The following PPP4R3B variants were observed in gnomAD, a reference collection of about 807,000 sequenced individuals.
PPP4R3B encodes protein phosphatase 4 regulatory subunit 3B, also known as serine/threonine-protein phosphatase 4 regulatory subunit 3B.
A neutral mutation model predicts 95.4 loss-of-function variants in PPP4R3B; 52 were observed. That is an observed-to-expected ratio of 0.54 (90% confidence interval 0.44 to 0.69). PPP4R3B has a LOEUF of 0.69. Ranked by LOEUF, PPP4R3B falls within the 30% of genes least tolerant of loss-of-function variation. The pLI, the probability that PPP4R3B is intolerant of heterozygous loss-of-function variation, is 0.00. For missense variants in PPP4R3B, 1,003 were observed against 1,005.9 expected (o/e 1.00, Z 0.04); for synonymous variants, 407 against 343.9 (o/e 1.18, Z -2.03).
At chr2:55,615,571 A>G in intron 1 of PPP4R3B, 65 bp from the exon 2 acceptor site, 1 of 1,240,048 alleles carries the variant, frequency 8.1e-7, no homozygotes. Context: ...AAATTAGAAT[A>G]CACATTAAAG....
intron 1 of PPP4R3B, chr2:55,616,551 G>A (rs1210087116): frequency 1.3e-5 from 2 of 152,134 alleles, no homozygotes; most frequent in African/African-American, 4.8e-5. Context: ...TAGATTGTAA[G>A]GCATTCACTT....
intron 15 of PPP4R3B, among the ~76,000 whole-genome samples, chr2:55,559,613 C>T (rs931691219): frequency 6.6e-6 from 1 of 152,050 alleles, no homozygotes; most frequent in Non-Finnish European, 1.5e-5. Context: ...GTGGCACTTC[C>T]CCCCTTGCTC....
At chr2:55,576,955 T>A (rs949448542) in intron 11 of PPP4R3B, among the ~76,000 whole-genome samples, 2 of 152,218 alleles carry the variant, frequency 1.3e-5, no homozygotes, top group Non-Finnish European at 2.9e-5. Flanking sequence ...TAGAAACAAC[T>A]GCTTTTAGAC....
intron 2 of PPP4R3B, 73 bp from the exon 3 acceptor site, chr2:55,604,149 G>C: frequency 8.4e-7 from 1 of 1,187,206 alleles, no homozygotes; most frequent in South Asian, 1.6e-5. Context: ...TAGAAATCAA[G>C]AGGACTGGAA....
Position 55,591,144 on chromosome 2 carries a change from C to CTT in PPP4R3B, c.922-2190_922-2189dup, listed in dbSNP as rs568526753. Among the ~76,000 whole-genome samples the CTT allele has an allele frequency of 3.9e-3, 561 of 143,476 alleles. 1 individual carries two copies. The highest frequency in any genetic ancestry group is 0.014 in the African/African-American group (532 of 39,350). The allele number at this position is 143,476 out of a possible 152,430, so 94.1% of individuals were successfully genotyped here. On this transcript the variant is annotated intron_variant, in intron 4 of 16. Coordinates refer to ENST00000616407, the MANE Select transcript of PPP4R3B (RefSeq NM_001122964.3). ...TATTTAGCCCTCAAGTTAGTTTTTC[C>CTT]TTTTTTTTTTTTTCTAGAGTCTCAC... is the stretch of plus-strand genomic sequence containing the variant.
At chr2:55,568,675 CAG>C (rs1687604516) in intron 12 of PPP4R3B, among the ~76,000 whole-genome samples, 5 of 152,176 alleles carry the variant, frequency 3.3e-5, no homozygotes, top group Admixed American at 6.5e-5. Context: ...AGCTCTGTGA[CAG>C]AGATTTAAAA....
chr2:55,592,317 TGA>T (rs1426212460), intron 4 of PPP4R3B, among the ~76,000 whole-genome samples: 2 of 152,172 alleles, frequency 1.3e-5, no homozygotes, highest in Non-Finnish European at 2.9e-5. Context: ...AAATAATTAA[TGA>T]GGTTTTTGTC....
At chr2:55,586,389 T>C (rs920675071) in intron 6 of PPP4R3B, among the ~76,000 whole-genome samples, 10 of 152,186 alleles carry the variant, frequency 6.6e-5, no homozygotes, top group African/African-American at 2.4e-4. Flanking sequence ...ATAACAGTCT[T>C]GCAAAAACGT....
chr2:55,613,372 C>A (rs539809829), intron 2 of PPP4R3B, among the ~76,000 whole-genome samples: 1 of 149,026 alleles, frequency 6.7e-6, no homozygotes, highest in Non-Finnish European at 1.5e-5. Flanking sequence ...AAAAGCCCAA[C>A]GAAAAAATAA....
intron 4 of PPP4R3B, 96 bp from the exon 5 acceptor site, chr2:55,589,052 G>C: frequency 5.2e-6 from 4 of 767,064 alleles, no homozygotes; most frequent in Non-Finnish European, 8.2e-6. Flanking sequence ...TAGTTGACAA[G>C]TAGTATTTTC....
At chr2:55,613,845 AAAG>A (rs1694531725) in intron 2 of PPP4R3B, among the ~76,000 whole-genome samples, 1 of 152,126 alleles carries the variant, frequency 6.6e-6, no homozygotes, top group Non-Finnish European at 1.5e-5. Context: ...CTTTCCCCAC[AAAG>A]AAGCAAGCAA....
intron 15 of PPP4R3B, among the ~76,000 whole-genome samples, chr2:55,559,570 G>C (rs1166095997): frequency 6.6e-6 from 1 of 152,118 alleles, no homozygotes; most frequent in Non-Finnish European, 1.5e-5. Flanking sequence ...TCTTGTGATA[G>C]TGAGTTCTCA....
Position 55,558,942 on chromosome 2 carries a change from G to T in PPP4R3B, c.2287C>A (p.Leu763Ile), listed in dbSNP as rs778534798. Residue 763 changes from leucine to isoleucine, a missense_variant, in exon 16 of 17, where the codon CTT (leucine) becomes ATT (isoleucine). This residue lies in a region of PPP4R3B where 229 missense variants were observed against 194.7 expected (regional missense o/e 1.18). Coordinates refer to ENST00000616407, the MANE Select transcript of PPP4R3B (RefSeq NM_001122964.3). ...CCACCAGGAGATGTCCTTTTGGGAA[G>T]GTTTTCCTTGTCTTCACTTTCTTTT... ...KAKESEDKEN[L>I]PKRTSPGGFK... The T allele has an allele frequency of 1.2e-6, 2 of 1,608,284 alleles. No individual in the cohort carries two copies. Among genetic ancestry groups the T allele is most frequent in the South Asian group, 2.2e-5 (2 of 89,764 alleles).
rs1695090452 is a variant in PPP4R3B at position 55,617,253 on chromosome 2, A to G, written c.33T>C (p.Tyr11=). 1 of 1,608,960 alleles carries G rather than the reference A, an allele frequency of 6.2e-7. No individual in the cohort carries two copies. MSDTRRRVKV[Y]TLNEDRQWDD... ...CCCATTGCCGGTCTTCGTTCAGGGT[A>G]TAGACCTTCACTCGCCGCCGCGTAT... The change falls in exon 1 of 17, where the codon TAT becomes TAC. Residue 11 remains tyrosine (Y), a synonymous_variant. Transcript: ENST00000616407.
chr2:55,589,416 A>G (rs1690639195), intron 4 of PPP4R3B, among the ~76,000 whole-genome samples: 1 of 152,266 alleles, frequency 6.6e-6, no homozygotes, highest in South Asian at 2.1e-4. Context: ...ATAAAGTTAC[A>G]AAGCTATTTA....
chr2:55,617,502 A>C lies in PPP4R3B; in HGVS notation c.-217T>G. 1 of 449,896 alleles carries C rather than the reference A, an allele frequency of 2.2e-6. No homozygotes were observed. 27.9% of individuals were successfully genotyped at this position (449,896 alleles called of 1,614,324 possible). On this transcript the variant is annotated 5_prime_UTR_variant, in exon 1 of 17. The change abolishes the stop of an existing upstream ORF in the 5' untranslated region. Transcript: ENST00000616407. ...CGGAGGCCCCGTTACCTCTCACTTC[A>C]CCCGCGCATACACCCACTCTCCCGT...
chr2:55,570,840 G>A (rs995438623), intron 12 of PPP4R3B, among the ~76,000 whole-genome samples: 1 of 152,156 alleles, frequency 6.6e-6, no homozygotes, highest in Admixed American at 6.5e-5. Flanking sequence ...CCCTCTTTTT[G>A]TGGCAGGATA....
At chr2:55,565,761 C>T (rs991813551) in intron 13 of PPP4R3B, 4 of 207,922 alleles carry the variant, frequency 1.9e-5, no homozygotes, top group Non-Finnish European at 4.1e-5. Context: ...CCTAACTCTG[C>T]CACATATATC....
intron 11 of PPP4R3B, among the ~76,000 whole-genome samples, chr2:55,576,469 G>A (rs1434367179): frequency 4.6e-5 from 7 of 151,922 alleles, no homozygotes; most frequent in Admixed American, 1.3e-4. Context: ...CAGGCCGGGC[G>A]CGGTGGCTCA....
Sources: allele counts gnomAD v4.1 joint callset (sites outside exome capture counted in the v4.1 genomes callset), GRCh38; gene constraint gnomAD v4.1.1; regional missense constraint gnomAD v4.1.1; transcripts MANE v1.5; gene names NCBI Gene and HGNC (gene_info 2026-07-23, HGNC 2026-07-21).